CSMD1: variants seen among roughly 807,000 people sequenced by gnomAD.
CSMD1 encodes the protein CUB and sushi domain-containing protein 1.
In CSMD1, 213 loss-of-function variants were observed where a neutral mutation model predicts 417.5. The ratio of observed to expected loss-of-function variants is 0.51; its 90% CI spans 0.46 to 0.57. The LOEUF is 0.57. Ranked by LOEUF, CSMD1 falls within the 20% of genes least tolerant of loss-of-function variation. The pLI, the probability that CSMD1 is intolerant of heterozygous loss-of-function variation, is 0.00. For synonymous variants in CSMD1, 2,862 were observed against 1,736.8 expected (o/e 1.65, Z -16.11); for missense variants, 6,923 against 4,529.7 (o/e 1.53, Z -15.17).
intron 7 of CSMD1, among the ~76,000 whole-genome samples, chr8:3,637,592 A>G (rs550109316): frequency 3.9e-5 from 6 of 152,076 alleles, no homozygotes; most frequent in Non-Finnish European, 8.8e-5. Context: ...ATTGACTACT[A>G]TTTTGTTACC....
rs540067732 is a variant in CSMD1 at position 3,493,901 on chromosome 8, G to A, written c.1345-175C>T. Among the ~76,000 whole-genome samples the A allele has an allele frequency of 1.9e-3, 296 of 152,184 alleles. 1 individual carries two copies. Among genetic ancestry groups the A allele is most frequent in the Non-Finnish European group, 1.9e-3 (126 of 68,024 alleles). ...ATAATTATATATATTTGATAGCCTG[G>A]CATTATAGAATTTTATGAAATTCAG... On this transcript the variant is annotated intron_variant, in intron 10 of 69. Transcript: ENST00000635120.
intron 5 of CSMD1, among the ~76,000 whole-genome samples, chr8:3,946,556 T>G (rs1209971168): frequency 6.6e-6 from 1 of 152,166 alleles, no homozygotes; most frequent in Non-Finnish European, 1.5e-5. Flanking sequence ...TGTCAATTCC[T>G]AAAAACAAAC....
At chr8:3,613,702 AACACACACACACACACACAC>A (rs61391436) in intron 8 of CSMD1, among the ~76,000 whole-genome samples, 17,766 of 144,850 alleles carry the variant, frequency 0.12, 1,119 homozygotes, top group African/African-American at 0.14. Flanking sequence ...GTCAGATTAA[AACACACACACACACACACAC>A]ACACACACAC....
chr8:3,813,419 G>T (rs560412053), intron 5 of CSMD1, among the ~76,000 whole-genome samples: 1 of 152,240 alleles, frequency 6.6e-6, no homozygotes, highest in African/African-American at 2.4e-5. Context: ...CTAGGGGCCT[G>T]TAAAAGAACT....
intron 2 of CSMD1, among the ~76,000 whole-genome samples, chr8:4,574,436 A>C (rs1178075435): frequency 6.6e-6 from 1 of 151,968 alleles, no homozygotes; most frequent in Non-Finnish European, 1.5e-5. Context: ...TCTTCTGCTT[A>C]CCCTCCGTGG....
intron 1 of CSMD1, among the ~76,000 whole-genome samples, chr8:4,791,760 C>T (rs945225519): frequency 6.6e-6 from 1 of 152,186 alleles, no homozygotes; most frequent in African/African-American, 2.4e-5. Flanking sequence ...CCTTCATTAG[C>T]ATCGTGTGCT....
chr8:3,010,558 C>T (rs1379739959), intron 52 of CSMD1, among the ~76,000 whole-genome samples: 1 of 152,068 alleles, frequency 6.6e-6, no homozygotes, highest in Non-Finnish European at 1.5e-5. Flanking sequence ...TATGCTGTTG[C>T]CACCAGGGTT....
At chr8:3,116,639 G>C (rs970084862) in intron 42 of CSMD1, among the ~76,000 whole-genome samples, 2 of 152,082 alleles carry the variant, frequency 1.3e-5, no homozygotes, top group African/African-American at 2.4e-5. Context: ...TATCAAAAAA[G>C]GTAGATTTTG....
At chr8:3,306,027 A>ATGTT (rs1421564345) in intron 25 of CSMD1, among the ~76,000 whole-genome samples, 4 of 152,008 alleles carry the variant, frequency 2.6e-5, no homozygotes, top group East Asian at 3.9e-4. Flanking sequence ...CCATCCTAAG[A>ATGTT]TGTTTGCATT....
intron 1 of CSMD1, among the ~76,000 whole-genome samples, chr8:4,720,601 G>C (rs571398227): frequency 6.6e-6 from 1 of 152,194 alleles, no homozygotes; most frequent in South Asian, 2.1e-4. Flanking sequence ...TATTTAAATA[G>C]AGACAGGGTT....
chr8:4,469,159 C>T (rs1051077438), intron 2 of CSMD1, among the ~76,000 whole-genome samples: 2 of 152,116 alleles, frequency 1.3e-5, no homozygotes, highest in African/African-American at 4.8e-5. Context: ...GCACTACTTA[C>T]TTAAAGACAA....
chr8:4,227,352 G>A (rs1041877351), intron 3 of CSMD1, among the ~76,000 whole-genome samples: 3 of 152,078 alleles, frequency 2.0e-5, no homozygotes, highest in Non-Finnish European at 4.4e-5. Context: ...CTAATAAGAG[G>A]TCTATTGTCT....
In CSMD1 at chr8:3,946,016, A is replaced by C. The variant is rs538288046; in HGVS notation, c.818+51887T>G. Among the ~76,000 whole-genome samples, 3 of 152,284 alleles carry C rather than the reference A, an allele frequency of 2.0e-5. No individual in the cohort carries two copies. The South Asian group carries it at 6.2e-4, about 32-fold the overall frequency. ...AAAGCACTTTACTTAAATTTTGCTC[A>C]TAACATTCTACGATGTAGGCGCTAC... On this transcript the variant is annotated intron_variant, in intron 5 of 69. Transcript: ENST00000635120.
In CSMD1 at chr8:4,158,804, T is replaced by C. The variant is rs574482144; in HGVS notation, c.416-126705A>G. 3.3e-5 allele frequency among the ~76,000 whole-genome samples: 5 copies of C among 152,334 alleles called. No individual in the cohort carries two copies. The South Asian group carries it at 1.0e-3, about 32-fold the overall frequency. ...TGGGATTTTAGAACTTTCCCAAGTTTATCATATGGGATGATGTAGAATCCA... is the reference window on the plus strand; with the variant it reads ...TGGGATTTTAGAACTTTCCCAAGTTCATCATATGGGATGATGTAGAATCCA... On this transcript the variant is annotated intron_variant, in intron 3 of 69. Transcript: ENST00000635120.
Position 3,789,301 on chromosome 8 carries a change from T to C in CSMD1, c.819-35259A>G, listed in dbSNP as rs142619947. Among the ~76,000 whole-genome samples the C allele has an allele frequency of 7.0e-3, 1,064 of 152,172 alleles. 3 individuals are homozygous for C. The highest frequency in any genetic ancestry group is 0.011 in the Non-Finnish European group (755 of 67,986). ...TGTTGTTTTCAAGCTTCCCAGTTTA[T>C]ATTTATTGTGACAGCCCCAACAGAC... On this transcript the variant is annotated intron_variant, in intron 5 of 69. Transcript: ENST00000635120.
intron 3 of CSMD1, among the ~76,000 whole-genome samples, chr8:4,046,993 C>T (rs1798180751): frequency 6.6e-6 from 1 of 152,154 alleles, no homozygotes; most frequent in Non-Finnish European, 1.5e-5. Context: ...CAGAACCCTC[C>T]CTGATGCATG....
rs1455222958 is a variant in CSMD1 at position 3,201,626 on chromosome 8, G to A, written c.5084C>T (p.Ser1695Leu). The change falls in exon 32 of 70, where the codon TCG becomes TTG. Residue 1695 changes from serine to leucine, a missense_variant. Physicochemically the swap from Ser to Leu is moderately radical, Grantham distance 145. Coordinates refer to ENST00000635120, the MANE Select transcript of CSMD1 (RefSeq NM_033225.6). ...HAQARLLSSL[S>L]GSHSGETLPL... Reference sequence around the variant, plus strand: ...TTAAGACTTACCTGAGTGAGACCCCGAGAGTGAGCTGAGAAGTCTGGCCTG... The same window carrying A: ...TTAAGACTTACCTGAGTGAGACCCCAAGAGTGAGCTGAGAAGTCTGGCCTG... 5.0e-6 allele frequency: 8 copies of A among 1,600,150 alleles called. No homozygotes were observed. Among genetic ancestry groups the A allele is most frequent in the Non-Finnish European group, 6.0e-6 (7 of 1,172,264 alleles).
intron 51 of CSMD1, among the ~76,000 whole-genome samples, chr8:3,022,535 A>G (rs1196296604): frequency 6.6e-6 from 1 of 152,250 alleles, no homozygotes; most frequent in Non-Finnish European, 1.5e-5. Context: ...GTTGAAATAT[A>G]TCAACTTTAA....
At chr8:4,177,382 C>A (rs376139205) in intron 3 of CSMD1, among the ~76,000 whole-genome samples, 62 of 152,006 alleles carry the variant, frequency 4.1e-4, no homozygotes, top group Admixed American at 3.8e-3. Flanking sequence ...TTGAAACCAA[C>A]GAGAACAAAG....
Sources: allele counts gnomAD v4.1 joint callset (sites outside exome capture counted in the v4.1 genomes callset), GRCh38; gene constraint gnomAD v4.1.1; transcripts MANE v1.5; gene names NCBI Gene and HGNC (gene_info 2026-07-23, HGNC 2026-07-21).